The following BIN1 variants were observed in gnomAD, a reference collection of about 807,000 sequenced individuals.
BIN1 encodes the protein bridging integrator 1, also known as myc box-dependent-interacting protein 1.
In BIN1, 53 loss-of-function variants were observed where a neutral mutation model predicts 82.0. That is an observed-to-expected ratio of 0.65 (90% CI 0.52 to 0.81). The LOEUF is 0.81. Ranked by LOEUF, BIN1 falls within the 40% of genes least tolerant of loss-of-function variation. BIN1 has a pLI of 0.00. For synonymous variants in BIN1, 302 were observed against 328.0 expected, an observed-to-expected ratio of 0.92 and a Z score of 0.86; for missense variants, 642 against 784.4, an observed-to-expected ratio of 0.82 and a Z score of 2.17.
intron 2 of BIN1, among the ~76,000 whole-genome samples, chr2:127,073,285 C>T (rs1686153923): frequency 6.6e-6 from 1 of 152,164 alleles, no homozygotes; most frequent in African/African-American, 2.4e-5. Context: ...GGGCAGCGTC[C>T]AGGCCAGTAC....
intron 1 of BIN1, among the ~76,000 whole-genome samples, chr2:127,092,592 G>A (rs1157700425): frequency 6.6e-6 from 1 of 152,188 alleles, no homozygotes; most frequent in Non-Finnish European, 1.5e-5. Context: ...ACCAGCTCAG[G>A]GGCATGCTGC....
chr2:127,051,161 G>A lies in BIN1; in HGVS notation c.1454C>T (p.Ala485Val). ...QEPGETAASE[A>V]ASSSLPAVVV... The stretch of plus-strand genomic sequence containing the variant: ...TTGTCCCTGCTGTCTTACGGAGGCT[G>A]CTTCACTTGCCGCCGTCTCCCCTGG... The change falls in exon 16 of 19, where the codon GCA becomes GTA. Residue 485 changes from alanine to valine, a missense_variant. Coordinates refer to ENST00000316724, the MANE Select transcript of BIN1 (RefSeq NM_139343.3). 1 of 1,613,518 alleles carries A rather than the reference G, an allele frequency of 6.2e-7. No individual in the cohort carries two copies. The highest frequency in any genetic ancestry group is 8.5e-7 in the Non-Finnish European group (1 of 1,179,906).
intron 1 of BIN1, among the ~76,000 whole-genome samples, chr2:127,083,184 T>C (rs1187448401): frequency 2.0e-5 from 3 of 151,978 alleles, no homozygotes; most frequent in African/African-American, 7.3e-5. Flanking sequence ...TTTCTGAGCT[T>C]AAACGATCCG....
chr2:127,097,750 G>A (rs1679785321), intron 1 of BIN1, among the ~76,000 whole-genome samples: 1 of 152,176 alleles, frequency 6.6e-6, no homozygotes, highest in African/African-American at 2.4e-5. Flanking sequence ...CAACACGTGG[G>A]GAGGGAAGCT....
intron 2 of BIN1, 92 bp downstream of exon 2, chr2:127,076,534 C>T (rs1686636887): frequency 2.1e-6 from 3 of 1,438,616 alleles, no homozygotes; most frequent in Non-Finnish European, 2.9e-6. Context: ...CTCCTCCAAG[C>T]TCTCGTACTC....
rs1195380064 is a variant in BIN1 at position 127,054,011 on chromosome 2, A to C, written c.1133T>G (p.Phe378Cys). ...CTCCGAGAAAGGCCCCGGGGCCTCAAACTTGGCAGCAGCAGCAGCAGCAGA... is the reference window on the plus strand; with the variant it reads ...CTCCGAGAAAGGCCCCGGGGCCTCACACTTGGCAGCAGCAGCAGCAGCAGA... ...PEISVTTPSQ[F>C]EAPGPFSEQA... The change falls in exon 13 of 19, where the codon TTT (phenylalanine) becomes TGT (cysteine). Residue 378 changes from phenylalanine (F) to cysteine (C), a missense_variant and splice_region_variant. By Grantham distance (205) the Phe-to-Cys change is radical. Transcript: ENST00000316724. 6.4e-7 allele frequency: 1 copy of C among 1,550,808 alleles called. No homozygotes were observed. The highest frequency in any genetic ancestry group is 8.7e-7 in the Non-Finnish European group (1 of 1,146,732).
At position 127,057,231 on chromosome 2, in the gene BIN1, G is replaced by T. The variant is rs1326405622; in HGVS notation, c.1131+242C>A. Among the ~76,000 whole-genome samples the T allele has an allele frequency of 6.6e-6, 1 of 152,210 alleles. No homozygotes were observed. Among genetic ancestry groups the T allele is most frequent in the African/African-American group, 2.4e-5 (1 of 41,454 alleles). The stretch of plus-strand genomic sequence containing the variant: ...AGGGCGCTGCTGATGTAACTGCTGC[G>T]CCGGGAGAGGCGGCACCTTCCCCTC... On this transcript the variant is annotated intron_variant, in intron 12 of 18. Coordinates refer to ENST00000316724, the MANE Select transcript of BIN1 (RefSeq NM_139343.3). This position sits in a 1 kb window ranked among gnomAD's most constrained non-coding sequence, Gnocchi z 5.0.
chr2:127,092,846 C>T (rs1458211170), intron 1 of BIN1, among the ~76,000 whole-genome samples: 1 of 152,168 alleles, frequency 6.6e-6, no homozygotes, highest in African/African-American at 2.4e-5. Flanking sequence ...GAAGCCACAG[C>T]CCACGCCTGC....
At chr2:127,091,206 C>A (rs1418787019) in intron 1 of BIN1, among the ~76,000 whole-genome samples, 1 of 151,946 alleles carries the variant, frequency 6.6e-6, no homozygotes, top group Non-Finnish European at 1.5e-5. Context: ...CCCAGAAGTG[C>A]CCACTGAGGC....
At position 127,068,067 on chromosome 2, in the gene BIN1, G is replaced by T. The variant is rs955823048; in HGVS notation, c.612+96C>A. Reference sequence around the variant, plus strand: ...CCTTTGAAAAACCCTGCCCCAGCTGGGCTCAGATGCCAGCCCTGCATTCCA... The same window carrying T: ...CCTTTGAAAAACCCTGCCCCAGCTGTGCTCAGATGCCAGCCCTGCATTCCA... On this transcript the variant is annotated intron_variant, in intron 7 of 18. Transcript: ENST00000316724. The surrounding 1 kb of genome is among the most constrained non-coding windows in gnomAD (Gnocchi z 4.9). 1.6e-5 allele frequency: 20 copies of T among 1,283,642 alleles called. No homozygotes were observed. The African/African-American group carries it at 2.7e-4, about 17-fold the overall frequency. 79.5% of individuals were successfully genotyped at this position (1,283,642 alleles called of 1,614,324 possible). A position where few individuals can be genotyped will look rare whatever the true frequency, so the allele number is the denominator to read the frequency against.
chr2:127,074,065 A>G (rs73955803), intron 2 of BIN1, among the ~76,000 whole-genome samples: 12,342 of 152,008 alleles, frequency 0.081, 1,201 homozygotes, highest in African/African-American at 0.21. Flanking sequence ...TGGGAGGTTC[A>G]CTTCTTTAAA....
intron 1 of BIN1, among the ~76,000 whole-genome samples, chr2:127,095,353 G>C (rs11695710): frequency 6.6e-6 from 1 of 151,976 alleles, no homozygotes; most frequent in African/African-American, 2.4e-5. Flanking sequence ...GATTCCTGTC[G>C]GTACCCAGGT....
intron 1 of BIN1, among the ~76,000 whole-genome samples, chr2:127,089,334 G>T (rs1314251195): frequency 6.6e-6 from 1 of 152,138 alleles, no homozygotes; most frequent in Non-Finnish European, 1.5e-5. Flanking sequence ...ACTTGATTTT[G>T]CAGCCTGCAA....
At chr2:127,104,659 C>G (rs1469849579) in intron 1 of BIN1, among the ~76,000 whole-genome samples, 1 of 152,170 alleles carries the variant, frequency 6.6e-6, no homozygotes, top group African/African-American at 2.4e-5. Flanking sequence ...GACTAGGATT[C>G]CAGTTTCATT....
chr2:127,093,120 G>C lies in BIN1; in HGVS notation c.84+13740C>G, dbSNP rs927689951. ...ACAGAGAGAGGGGTCAGGGAGGGAG[G>C]GCGGAAGGGGAAGTGGGGGCTTACA... On this transcript the variant is annotated intron_variant, in intron 1 of 18. Transcript: ENST00000316724. This position sits in a 1 kb window ranked among gnomAD's most constrained non-coding sequence, Gnocchi z 5.7. 2.0e-5 allele frequency among the ~76,000 whole-genome samples: 3 copies of C among 152,164 alleles called. No individual in the cohort carries two copies. Among genetic ancestry groups the C allele is most frequent in the African/African-American group, 7.2e-5 (3 of 41,430 alleles).
chr2:127,083,078 C>CTTTTTTTTTTT (rs112344101), intron 1 of BIN1, among the ~76,000 whole-genome samples: 7 of 142,872 alleles, frequency 4.9e-5, no homozygotes, highest in Admixed American at 6.9e-5. Flanking sequence ...TTGCTTTTTT[C>CTTTTTTTTTTT]TTTTTTTTTT....
intron 14 of BIN1, 38 bp downstream of exon 14, chr2:127,053,383 TC>T: frequency 6.2e-7 from 1 of 1,613,000 alleles, no homozygotes; most frequent in Non-Finnish European, 8.5e-7. Flanking sequence ...GAAGAGTGGC[TC>T]CCCCAGGGGC....
chr2:127,056,940 G>A (rs542013917), intron 12 of BIN1, among the ~76,000 whole-genome samples: 7 of 152,334 alleles, frequency 4.6e-5, no homozygotes, highest in African/African-American at 1.7e-4. Flanking sequence ...AGGGCCCGTC[G>A]GGAGAGACCC....
rs1470554818 is a variant in BIN1, at chr2:127,059,142, C to T, written c.871G>A (p.Ala291Thr). 2 of 1,580,442 alleles carry T rather than the reference C, an allele frequency of 1.3e-6. No individual in the cohort carries two copies. The highest frequency in any genetic ancestry group is 2.3e-5 in the East Asian group (1 of 43,426). ...GGCGAAGGGCTCTTGTTCCCTTTTG[C>T]AGGCGCGTTGTCACTGTGGGGGAGG... ...VKAQPSDNAP[A>T]KGNKSPSPPD... The change falls in exon 11 of 19, where the codon GCA (alanine) becomes ACA (threonine). Residue 291 changes from alanine (A) to threonine (T), a missense_variant. Physicochemically the swap from Ala to Thr is moderately conservative, Grantham distance 58. Transcript: ENST00000316724. This position sits in a 1 kb window ranked among gnomAD's most constrained non-coding sequence, Gnocchi z 6.7.
Sources: gnomAD v4.1 joint callset for allele counts (sites outside exome capture counted in the v4.1 genomes callset) on GRCh38, gnomAD v4.1.1 for gene constraint, Gnocchi (gnomAD v3.1) non-coding constraint, MANE v1.5 for transcripts, NCBI Gene and HGNC (gene_info 2026-07-23, HGNC 2026-07-21) for gene names.